CDK5RAP3: variants seen among roughly 807,000 people sequenced by gnomAD.
CDK5RAP3 encodes CDK5 regulatory subunit associated protein 3.
A neutral mutation model predicts 73.3 loss-of-function variants in CDK5RAP3; 58 were observed. The ratio of observed to expected loss-of-function variants is 0.79; its 90% CI spans 0.64 to 0.98. The LOEUF is 0.98. CDK5RAP3 is among the 50% of genes least tolerant of loss of function. The pLI is 0.00. For missense variants in CDK5RAP3, 525 were observed against 615.8 expected (o/e 0.85, Z 1.56); for synonymous variants, 224 against 247.5 (o/e 0.91, Z 0.89).
chr17:47,976,869 C>A, intron 9 of CDK5RAP3, 47 bp downstream of exon 9: 1 of 1,235,920 alleles, frequency 8.1e-7, no homozygotes, highest in Non-Finnish European at 1.1e-6. Context: ...CTACTCTAAC[C>A]ATAAGAAAAG....
chr17:47,974,890 T>C (rs949540232), intron 5 of CDK5RAP3: 2 of 1,361,386 alleles, frequency 1.5e-6, no homozygotes, highest in Non-Finnish European at 1.9e-6. Context: ...TAATATTTCC[T>C]GAGCATCTAC....
At chr17:47,971,226 A>G (rs2905846) in intron 1 of CDK5RAP3, 74 bp downstream of exon 1, 1,106,959 of 1,528,374 alleles carry the variant, frequency 0.72, 402,219 homozygotes, top group East Asian at 0.78. Context: ...CTCCCTCCGG[A>G]AGCGGCTCAA....
At position 47,971,421 on chromosome 17, in the gene CDK5RAP3, C is replaced by T. The variant is rs746489027; in HGVS notation, c.52+14C>T. On this transcript the variant is annotated intron_variant, in intron 2 of 13. Coordinates refer to ENST00000338399, the MANE Select transcript of CDK5RAP3 (RefSeq NM_176096.3). ...GCAAGCTGCTCGGTAGGAGGGGGCG[C>T]CACCGCGCAGCTGGCTGTCGGGGGG... is the stretch of plus-strand genomic sequence containing the variant. The T allele has an allele frequency of 1.4e-5, 22 of 1,595,082 alleles. 1 individual carries two copies. In the South Asian group the frequency reaches 2.5e-4, roughly 18 times the overall value.
chr17:47,981,591 A>C lies in CDK5RAP3; in HGVS notation c.*89A>C. The C allele has an allele frequency of 1.9e-6, 3 of 1,610,990 alleles. No homozygotes were observed. The highest frequency in any genetic ancestry group is 2.5e-6 in the Non-Finnish European group (3 of 1,179,260). ...GTTGTTTTGGGGCCCTTCAAGGCAAAAGACCAGGCTGACTGGAAGATGGAA... is the reference window on the plus strand; with the variant it reads ...GTTGTTTTGGGGCCCTTCAAGGCAACAGACCAGGCTGACTGGAAGATGGAA... On this transcript the variant is annotated 3_prime_UTR_variant, in exon 14 of 14. Coordinates refer to ENST00000338399, the MANE Select transcript of CDK5RAP3 (RefSeq NM_176096.3).
In CDK5RAP3 at chr17:47,973,519, A is replaced by G. The variant is rs1479975814; in HGVS notation, c.53A>G (p.Asp18Gly). 1.9e-6 allele frequency: 3 copies of G among 1,613,664 alleles called. No individual in the cohort carries two copies. The African/African-American group carries it at 4.0e-5, about 22-fold the overall frequency. Reference sequence around the variant, plus strand: ...TCTAATTTGGGTGCTTCTCATGTAGATTGGCTGGTGGACAGAAGGCACTGC... The same window carrying G: ...TCTAATTTGGGTGCTTCTCATGTAGGTTGGCTGGTGGACAGAAGGCACTGC... ...PIDIQTSKLL[D>G]WLVDRRHCSL... The change falls in exon 3 of 14, where the codon GAT becomes GGT. Residue 18 changes from aspartate (D) to glycine (G), a missense_variant and splice_region_variant. By Grantham distance (94) the Asp-to-Gly change is moderately conservative. Transcript: ENST00000338399.
At chr17:47,977,695 A>G (rs2036448266) in intron 9 of CDK5RAP3, 137 bp from the exon 10 acceptor site, 1 of 685,596 alleles carries the variant, frequency 1.5e-6, no homozygotes, top group Admixed American at 2.9e-5. Context: ...CATTTTTGGC[A>G]CCTAAGTCAG....
chr17:47,971,247 C>T, intron 1 of CDK5RAP3, 95 bp downstream of exon 1: 2 of 1,533,026 alleles, frequency 1.3e-6, no homozygotes, highest in Non-Finnish European at 1.8e-6. Flanking sequence ...CCCAGCCCAT[C>T]GCTCTGGCCC....
Position 47,975,597 on chromosome 17 carries a change from G to A in CDK5RAP3, c.597G>A (p.Gln199=), listed in dbSNP as rs772196862. The A allele has an allele frequency of 1.5e-5, 24 of 1,608,816 alleles. No individual in the cohort carries two copies. Among genetic ancestry groups the A allele is most frequent in the African/African-American group, 2.7e-5 (2 of 74,956 alleles). ...CTGAGATTGGGGCAGCGGCTCAGCA[G>A]TCCCTGGGGGAAGCCATTGACGTGT... ...QLAEIGAAAQ[Q]SLGEAIDVYQ... is the part of the protein sequence containing the mutation. The change falls in exon 7 of 14, where the codon CAG becomes CAA. Residue 199 remains glutamine, a synonymous_variant. Transcript: ENST00000338399.
Position 47,975,607 on chromosome 17 carries a change from G to A in CDK5RAP3, c.607G>A (p.Glu203Lys), listed in dbSNP as rs776812925. The A allele has an allele frequency of 2.5e-5, 40 of 1,607,796 alleles. No homozygotes were observed. In the East Asian group the frequency reaches 7.6e-4, roughly 30 times the overall value. Residue 203 changes from glutamate (E) to lysine (K), a missense_variant, in exon 7 of 14, where the codon GAA (glutamate) becomes AAA (lysine). Physicochemically the swap from Glu to Lys is moderately conservative, Grantham distance 56. Transcript: ENST00000338399. ...GGCAGCGGCTCAGCAGTCCCTGGGG[G>A]AAGCCATTGACGTGTACCAGGCGTC... is the stretch of plus-strand genomic sequence containing the variant. ...IGAAAQQSLG[E>K]AIDVYQASVG...
upstream of CDK5RAP3, among the ~76,000 whole-genome samples, chr17:47,969,702 C>G (rs972508110): frequency 6.6e-6 from 1 of 152,106 alleles, no homozygotes; most frequent in African/African-American, 2.4e-5. Flanking sequence ...AGCCACCACT[C>G]GGACCACAGA....
Position 47,973,937 on chromosome 17 carries a change from AC to A in CDK5RAP3, c.192del (p.Tyr65ThrfsTer5). On this transcript the variant is annotated frameshift_variant, in exon 4 of 14. Transcript: ENST00000338399. LOFTEE classifies it high-confidence loss of function. Reference sequence around the variant, plus strand: ...CCCGTCTCTTGCTTTCTAGACATTCACTACTTTCACTGCCTAAGAATCCTGG... The same window carrying A: ...CCCGTCTCTTGCTTTCTAGACATTCATACTTTCACTGCCTAAGAATCCTGG... ...IAQLLSGSYI[H>X]YFHCLRILDL... The A allele has an allele frequency of 6.2e-7, 1 of 1,612,418 alleles. No homozygotes were observed. The highest frequency in any genetic ancestry group is 2.2e-5 in the East Asian group (1 of 44,882).
At chr17:47,975,702 C>A in intron 7 of CDK5RAP3, 49 bp downstream of exon 7, 1 of 1,571,336 alleles carries the variant, frequency 6.4e-7, no homozygotes, top group East Asian at 2.2e-5. Context: ...CCTGTGTTCC[C>A]CAGCTCATGA....
intron 2 of CDK5RAP3, among the ~76,000 whole-genome samples, chr17:47,973,059 A>G (rs755677397): frequency 5.9e-5 from 9 of 152,182 alleles, no homozygotes; most frequent in Non-Finnish European, 1.2e-4. Flanking sequence ...AGGGCGCTGT[A>G]GGTATTAGGG....
At chr17:47,974,240 T>C in intron 4 of CDK5RAP3, 160 bp from the exon 5 acceptor site, 1 of 773,280 alleles carries the variant, frequency 1.3e-6, no homozygotes, top group Non-Finnish European at 2.2e-6. Context: ...GCCTGCACTC[T>C]TAAAGTGGGT....
At chr17:47,971,450 C>T in intron 2 of CDK5RAP3, 43 bp downstream of exon 2, 3 of 1,541,862 alleles carry the variant, frequency 1.9e-6, no homozygotes, top group Non-Finnish European at 2.6e-6. Flanking sequence ...CGGGGGGAGG[C>T]CTGTGCGTTG....
rs771104250 is a variant in CDK5RAP3, at chr17:47,974,386, C to T, written c.286-14C>T. ...GCTTTTCTGGCTTAACATTGTTTTT[C>T]TGTTCTTACTCAGGATTGGCAGGAG... On this transcript the variant is annotated splice_polypyrimidine_tract_variant and intron_variant, in intron 4 of 13. Coordinates refer to ENST00000338399, the MANE Select transcript of CDK5RAP3 (RefSeq NM_176096.3). 6.2e-7 allele frequency: 1 copy of T among 1,610,596 alleles called. No homozygotes were observed. The highest frequency in any genetic ancestry group is 8.5e-7 in the Non-Finnish European group (1 of 1,176,818).
chr17:47,968,806 G>A (rs1236408508), upstream of CDK5RAP3, among the ~76,000 whole-genome samples: 5 of 152,034 alleles, frequency 3.3e-5, no homozygotes, highest in African/African-American at 4.8e-5. Flanking sequence ...GTGAGCCACC[G>A]TGCCCAGCGT....
At chr17:47,980,511 C>T (rs1365543562) in intron 11 of CDK5RAP3, 82 bp from the exon 12 acceptor site, 16 of 1,276,762 alleles carry the variant, frequency 1.3e-5, no homozygotes, top group East Asian at 2.3e-5. Flanking sequence ...AAGCGATCCT[C>T]CTGCCTTGGC....
intron 11 of CDK5RAP3, 140 bp from the exon 12 acceptor site, chr17:47,980,453 G>C: frequency 1.4e-6 from 1 of 739,726 alleles, no homozygotes; most frequent in South Asian, 1.6e-5. Context: ...CATTTCTGTA[G>C]AGACAGGGTC....
Sources: allele counts gnomAD v4.1 joint callset (sites outside exome capture counted in the v4.1 genomes callset), GRCh38; gene constraint gnomAD v4.1.1; transcripts MANE v1.5; gene names NCBI Gene and HGNC (gene_info 2026-07-23, HGNC 2026-07-21).